Variants in SLX4IP observed in about 807,000 individuals in gnomAD.
SLX4IP encodes protein SLX4IP.
In SLX4IP, 34 loss-of-function variants were observed where a neutral mutation model predicts 32.9. That is an observed-to-expected ratio of 1.03 (90% CI 0.79 to 1.38). The LOEUF (loss-of-function observed/expected upper bound fraction) is 1.38. SLX4IP is among the 40% of genes most tolerant of loss of function. SLX4IP has a pLI of 0.00. For synonymous variants in SLX4IP, 172 were observed against 171.7 expected (o/e 1.00, Z -0.01); for missense variants, 444 against 479.0 (o/e 0.93, Z 0.68).
chr20:10,556,341 A>G lies in SLX4IP; in HGVS notation c.117+21A>G, dbSNP rs749664517. On this transcript the variant is annotated intron_variant, in intron 3 of 7. Transcript: ENST00000334534. ...AAGAGGTACAACAAAACTTTCTACT[A>G]TTTAATTGCAAGTAGCTGCTGCTGC... The G allele has an allele frequency of 4.4e-6, 7 of 1,598,812 alleles. No homozygotes were observed. The South Asian group carries it at 5.6e-5, about 13-fold the overall frequency.
At chr20:10,566,283 ATTTTTTTTTTTT>A (rs59907123) in intron 4 of SLX4IP, among the ~76,000 whole-genome samples, 7,881 of 98,234 alleles carry the variant, frequency 0.08, 283 homozygotes, top group Non-Finnish European at 0.11. Context: ...AACTGATTAC[ATTTTTTTTTTTT>A]TTTTTTTTTT....
chr20:10,442,164 T>TGC (rs1367380073), intron 1 of SLX4IP, among the ~76,000 whole-genome samples: 1 of 152,244 alleles, frequency 6.6e-6, no homozygotes, highest in Non-Finnish European at 1.5e-5. Context: ...TGAGAGCATT[T>TGC]GCTTGTGACA....
intron 2 of SLX4IP, among the ~76,000 whole-genome samples, chr20:10,475,614 G>T (rs1019598831): frequency 2.0e-5 from 3 of 152,106 alleles, no homozygotes; most frequent in African/African-American, 7.2e-5. Flanking sequence ...CCCTCTGCTG[G>T]CCTCTCTCTG....
chr20:10,488,492 G>C (rs914959320), intron 2 of SLX4IP, among the ~76,000 whole-genome samples: 1 of 152,176 alleles, frequency 6.6e-6, no homozygotes, highest in East Asian at 1.9e-4. Flanking sequence ...CATTTCTCTT[G>C]GTTTAAGCCA....
chr20:10,616,496 T>C (rs2067033191), intron 6 of SLX4IP, among the ~76,000 whole-genome samples: 2 of 151,912 alleles, frequency 1.3e-5, no homozygotes, highest in Admixed American at 1.3e-4. Context: ...CACAATAAAA[T>C]ATGCCATCCT....
At chr20:10,500,003 A>G (rs758090386) in intron 2 of SLX4IP, among the ~76,000 whole-genome samples, 5 of 152,166 alleles carry the variant, frequency 3.3e-5, no homozygotes, top group Non-Finnish European at 7.4e-5. Flanking sequence ...TATTTAAGAA[A>G]CACCTCTTTT....
intron 2 of SLX4IP, among the ~76,000 whole-genome samples, chr20:10,504,741 G>A (rs1463456267): frequency 6.6e-6 from 1 of 152,186 alleles, no homozygotes; most frequent in Non-Finnish European, 1.5e-5. Context: ...GGAAGGCCAT[G>A]TTAAATGGCT....
rs1012789629 is a variant in SLX4IP at position 10,614,134 on chromosome 20, C to T, written c.406-7180C>T. On this transcript the variant is annotated intron_variant, in intron 6 of 7. Coordinates refer to ENST00000334534, the MANE Select transcript of SLX4IP (RefSeq NM_001009608.3). ...TTGTGGTAGCCTCGTCGGACCTCGCCATCGGAGGCCTCGCGTTGCACGCCC... is the reference window on the plus strand; with the variant it reads ...TTGTGGTAGCCTCGTCGGACCTCGCTATCGGAGGCCTCGCGTTGCACGCCC... 31 of 1,324,358 alleles carry T rather than the reference C, an allele frequency of 2.3e-5. 1 individual carries two copies. In the Middle Eastern group the frequency reaches 1.0e-3, roughly 44 times the overall value. 82.0% of individuals were successfully genotyped at this position (1,324,358 alleles called of 1,614,324 possible). A position where few individuals can be genotyped will look rare whatever the true frequency, so the allele number is the denominator to read the frequency against.
intron 4 of SLX4IP, among the ~76,000 whole-genome samples, chr20:10,583,065 T>A (rs893666957): frequency 6.6e-6 from 1 of 152,200 alleles, no homozygotes; most frequent in African/African-American, 2.4e-5. Context: ...TAGGATCATA[T>A]AATGAACCCC....
intron 2 of SLX4IP, among the ~76,000 whole-genome samples, chr20:10,509,286 A>G (rs2065785431): frequency 6.6e-6 from 1 of 152,172 alleles, no homozygotes; most frequent in Non-Finnish European, 1.5e-5. Flanking sequence ...GGGAACATGG[A>G]GATAATCTCA....
At chr20:10,521,676 A>G (rs1257973856) in intron 2 of SLX4IP, among the ~76,000 whole-genome samples, 1 of 152,228 alleles carries the variant, frequency 6.6e-6, no homozygotes, top group African/African-American at 2.4e-5. Flanking sequence ...AGTCACCAGG[A>G]AACCAAGAAG....
intron 2 of SLX4IP, among the ~76,000 whole-genome samples, chr20:10,498,744 T>C (rs1349746692): frequency 6.6e-6 from 1 of 151,646 alleles, no homozygotes; most frequent in Non-Finnish European, 1.5e-5. Context: ...CACTCTATTG[T>C]AATTGAGTCT....
At chr20:10,617,142 A>G (rs567299950) in intron 6 of SLX4IP, among the ~76,000 whole-genome samples, 69 of 152,342 alleles carry the variant, frequency 4.5e-4, no homozygotes, top group African/African-American at 1.5e-3. Context: ...ATTTTGATGC[A>G]TGGGATAAAT....
At chr20:10,529,330 T>A (rs2065966560) in intron 2 of SLX4IP, among the ~76,000 whole-genome samples, 1 of 152,148 alleles carries the variant, frequency 6.6e-6, no homozygotes, top group South Asian at 2.1e-4. Flanking sequence ...GGCTCACCCC[T>A]GTAATCCTAG....
intron 2 of SLX4IP, among the ~76,000 whole-genome samples, chr20:10,476,077 A>G (rs889338417): frequency 6.6e-6 from 1 of 151,800 alleles, no homozygotes; most frequent in Non-Finnish European, 1.5e-5. Flanking sequence ...TTTACTTACA[A>G]CTTGGCAATG....
intron 2 of SLX4IP, among the ~76,000 whole-genome samples, chr20:10,497,049 T>C (rs142334776): frequency 1.2e-4 from 18 of 152,338 alleles, no homozygotes; most frequent in Middle Eastern, 3.4e-3. Context: ...TGTGTGTGTT[T>C]CTTTTCTTTT....
chr20:10,453,726 C>A (rs780717570), intron 1 of SLX4IP, among the ~76,000 whole-genome samples: 2 of 137,130 alleles, frequency 1.5e-5, no homozygotes, highest in Admixed American at 7.8e-5. Flanking sequence ...CTACTACCCC[C>A]CAACGCACTT....
At chr20:10,436,232 G>T (rs2065112639) in intron 1 of SLX4IP, among the ~76,000 whole-genome samples, 1 of 152,138 alleles carries the variant, frequency 6.6e-6, no homozygotes, top group Non-Finnish European at 1.5e-5. Flanking sequence ...ATCCCTGGGA[G>T]CTTGTTAGAA....
At chr20:10,463,659 A>G (rs1205847387) in intron 2 of SLX4IP, among the ~76,000 whole-genome samples, 1 of 152,246 alleles carries the variant, frequency 6.6e-6, no homozygotes, top group Non-Finnish European at 1.5e-5. Context: ...TAGCATGGGA[A>G]TGATTTAGTC....
Sources: allele counts gnomAD v4.1 joint callset (sites outside exome capture counted in the v4.1 genomes callset), GRCh38; gene constraint gnomAD v4.1.1; transcripts MANE v1.5; gene names NCBI Gene and HGNC (gene_info 2026-07-23, HGNC 2026-07-21).